Variants in FHIP1A observed in about 807,000 individuals in gnomAD.
FHIP1A encodes FHF complex subunit HOOK-interacting protein 1A.
A neutral mutation model predicts 88.6 loss-of-function variants in FHIP1A; 61 were observed. The observed-to-expected ratio is 0.69, with a 90% CI of 0.56 to 0.85. The LOEUF is 0.85. Among genes scored for constraint, FHIP1A ranks in the 40% least tolerant of loss-of-function variants. FHIP1A has a pLI of 0.00. For missense variants in FHIP1A, 1,154 were observed against 1,273.5 expected, an observed-to-expected ratio of 0.91 and a Z score of 1.43; for synonymous variants, 478 against 496.0, an observed-to-expected ratio of 0.96 and a Z score of 0.48.
At chr4:151,557,161 T>C (rs575423787) in intron 3 of FHIP1A, among the ~76,000 whole-genome samples, 1 of 152,350 alleles carries the variant, frequency 6.6e-6, no homozygotes, top group South Asian at 2.1e-4. Context: ...TAATAACATA[T>C]AAAATAATTT....
intron 3 of FHIP1A, among the ~76,000 whole-genome samples, chr4:151,511,669 A>G (rs1298276733): frequency 6.6e-6 from 1 of 152,244 alleles, no homozygotes; most frequent in Non-Finnish European, 1.5e-5. Flanking sequence ...ACACCCACAG[A>G]GTCTCGCTGA....
rs933906854 is a variant in FHIP1A, at chr4:151,612,472, C to G, written c.979-17230C>G. 1.1e-4 allele frequency among the ~76,000 whole-genome samples: 17 copies of G among 152,336 alleles called. 1 individual carries two copies. Among genetic ancestry groups the G allele is most frequent in the South Asian group, 4.1e-4 (2 of 4,824 alleles). On this transcript the variant is annotated intron_variant, in intron 7 of 13. Coordinates refer to ENST00000435205, the MANE Select transcript of FHIP1A (RefSeq NM_001109977.3). The stretch of plus-strand genomic sequence containing the variant: ...CTCTGCTCACTGCAACCTCCGCCTT[C>G]CGGCTTCATGCAATTCTCCTGCCTC...
At chr4:151,478,474 C>G (rs951751489) in intron 2 of FHIP1A, among the ~76,000 whole-genome samples, 1 of 152,024 alleles carries the variant, frequency 6.6e-6, no homozygotes, top group African/African-American at 2.4e-5. Flanking sequence ...TTTTTAACAG[C>G]TGAGTCTGGA....
At chr4:151,501,757 T>A (rs932520176) in intron 3 of FHIP1A, among the ~76,000 whole-genome samples, 1 of 151,832 alleles carries the variant, frequency 6.6e-6, no homozygotes, top group Non-Finnish European at 1.5e-5. Flanking sequence ...CCTTTGCTTA[T>A]TTTTTAATTG....
At chr4:151,504,594 T>TATGTTATGTTATGTTATGTC (rs1560735610) in intron 3 of FHIP1A, among the ~76,000 whole-genome samples, 1 of 140,208 alleles carries the variant, frequency 7.1e-6, no homozygotes, top group African/African-American at 2.6e-5. Context: ...TATGTTATGT[T>TATGTTATGTTATGTTATGTC]ATGTTATGTT....
intron 3 of FHIP1A, among the ~76,000 whole-genome samples, chr4:151,513,368 T>C (rs1192323303): frequency 6.6e-6 from 1 of 152,154 alleles, no homozygotes; most frequent in African/African-American, 2.4e-5. Flanking sequence ...GTAAAGACCA[T>C]CGAGGCTAGG....
At chr4:151,546,449 A>G (rs1000655051) in intron 3 of FHIP1A, among the ~76,000 whole-genome samples, 17 of 152,248 alleles carry the variant, frequency 1.1e-4, no homozygotes, top group South Asian at 6.2e-4. Flanking sequence ...CCCCTGGTAA[A>G]TACTCTCTCG....
rs70941501 is a variant in FHIP1A, at chr4:151,502,319, AAAACAAACAAAC to A, written c.-123+19696_-123+19707del. ...GTGATAGAACAAGACCCCATCTCAA[AAAACAAACAAAC>A]AAACAAACAAACAAACAAACAAACT... On this transcript the variant is annotated intron_variant, in intron 3 of 13. Transcript: ENST00000435205. Among the ~76,000 whole-genome samples the A allele has an allele frequency of 8.9e-3, 1,337 of 149,554 alleles. 72 individuals are homozygous for A. The highest frequency in any genetic ancestry group is 0.075 in the Admixed American group (1,120 of 14,930).
At chr4:151,578,573 G>T (rs1390427408) in intron 5 of FHIP1A, among the ~76,000 whole-genome samples, 2 of 152,158 alleles carry the variant, frequency 1.3e-5, no homozygotes, top group Non-Finnish European at 2.9e-5. Context: ...GTCAGTTAGT[G>T]TGCAGGGGCC....
At chr4:151,438,238 C>T (rs930212555) in intron 1 of FHIP1A, among the ~76,000 whole-genome samples, 1 of 152,112 alleles carries the variant, frequency 6.6e-6, no homozygotes, top group Non-Finnish European at 1.5e-5. Context: ...GGCTTTTTGC[C>T]TACTACGTGT....
chr4:151,435,007 T>G (rs138600594), intron 1 of FHIP1A, among the ~76,000 whole-genome samples: 1 of 152,304 alleles, frequency 6.6e-6, no homozygotes, highest in Admixed American at 6.5e-5. Flanking sequence ...TTAGGTATTT[T>G]GGGGGTAATG....
chr4:151,505,479 G>T (rs1283049223), intron 3 of FHIP1A, among the ~76,000 whole-genome samples: 1 of 152,132 alleles, frequency 6.6e-6, no homozygotes, highest in African/African-American at 2.4e-5. Context: ...CCATGCAAAG[G>T]TGAAGTGGCC....
chr4:151,545,621 C>T (rs1732472809), intron 3 of FHIP1A, among the ~76,000 whole-genome samples: 1 of 152,018 alleles, frequency 6.6e-6, no homozygotes. Context: ...TCGTGATCCA[C>T]CGGCCTCAGC....
Position 151,649,818 on chromosome 4 carries a change from G to A in FHIP1A, c.1777G>A (p.Val593Met), listed in dbSNP as rs767813801. Residue 593 changes from valine (V) to methionine (M), a missense_variant, in exon 11 of 14, where the codon GTG becomes ATG. Physicochemically the swap from Val to Met is conservative, Grantham distance 21. Transcript: ENST00000435205. ...YDTGISSGAD[V>M]GSPGPYDDLE... ...CACTGGAATCTCCTCAGGGGCTGAC[G>A]TGGGCTCCCCAGGGCCTTATGATGA... The A allele has an allele frequency of 4.6e-5, 71 of 1,551,676 alleles. 1 individual carries two copies. Among genetic ancestry groups the A allele is most frequent in the South Asian group, 4.3e-4 (36 of 84,052 alleles).
intron 3 of FHIP1A, among the ~76,000 whole-genome samples, chr4:151,554,987 A>G (rs955400292): frequency 1.3e-5 from 2 of 152,186 alleles, no homozygotes; most frequent in African/African-American, 4.8e-5. Flanking sequence ...AGAGAGCCAA[A>G]CTGGAATTAA....
intron 3 of FHIP1A, among the ~76,000 whole-genome samples, chr4:151,489,127 A>G (rs1227994951): frequency 6.6e-6 from 1 of 152,220 alleles, no homozygotes; most frequent in East Asian, 1.9e-4. Context: ...GAGGAGGAGA[A>G]GTCTGCCTCT....
chr4:151,544,238 T>G (rs1332201912), intron 3 of FHIP1A, among the ~76,000 whole-genome samples: 2 of 152,178 alleles, frequency 1.3e-5, no homozygotes, highest in Non-Finnish European at 2.9e-5. Flanking sequence ...GTATAGCTGG[T>G]TGGGAGCAGA....
At chr4:151,433,671 A>G (rs1733684447) in intron 1 of FHIP1A, among the ~76,000 whole-genome samples, 3 of 152,114 alleles carry the variant, frequency 2.0e-5, no homozygotes, top group South Asian at 2.1e-4. Flanking sequence ...GAACTTGCTC[A>G]AAGAGAGAAG....
At chr4:151,571,583 C>T (rs1733605455) in intron 4 of FHIP1A, among the ~76,000 whole-genome samples, 1 of 152,156 alleles carries the variant, frequency 6.6e-6, no homozygotes, top group African/African-American at 2.4e-5. Context: ...AGCATCCATG[C>T]ATGGATTTGA....
Sources: allele counts gnomAD v4.1 joint callset (sites outside exome capture counted in the v4.1 genomes callset), GRCh38; gene constraint gnomAD v4.1.1; transcripts MANE v1.5; gene names NCBI Gene and HGNC (gene_info 2026-07-23, HGNC 2026-07-21).